TRAK2: variants seen among roughly 807,000 people sequenced by gnomAD.
The protein encoded by TRAK2 is trafficking kinesin protein 2.
In TRAK2, 81 loss-of-function variants were observed where a neutral mutation model predicts 104.6. The ratio of observed to expected loss-of-function variants is 0.77; its 90% CI spans 0.65 to 0.93. The LOEUF (loss-of-function observed/expected upper bound fraction) is 0.93, where lower values mean the gene tolerates loss of function less well. Ranked by LOEUF, TRAK2 falls within the 40% of genes least tolerant of loss-of-function variation. The pLI is 0.00. For missense variants in TRAK2, 1,002 were observed against 1,089.0 expected, an observed-to-expected ratio of 0.92 and a Z score of 1.12; for synonymous variants, 406 against 394.4, an observed-to-expected ratio of 1.03 and a Z score of -0.35.
intron 1 of TRAK2, among the ~76,000 whole-genome samples, chr2:201,442,999 G>A (rs1429454780): frequency 6.6e-6 from 1 of 151,910 alleles, no homozygotes; most frequent in Non-Finnish European, 1.5e-5. Context: ...TCTAAACCTT[G>A]CTCCATTAAT....
intron 3 of TRAK2, among the ~76,000 whole-genome samples, chr2:201,405,820 T>C (rs1053879484): frequency 3.0e-4 from 46 of 152,024 alleles, no homozygotes; most frequent in Admixed American, 2.9e-3. Flanking sequence ...CCGTCTCTAC[T>C]AAAAATACAA....
Position 201,412,915 on chromosome 2 carries a change from C to T in TRAK2, c.92-5318G>A. 13 of 787,256 alleles carry T rather than the reference C, an allele frequency of 1.7e-5. No homozygotes were observed. The South Asian group carries it at 1.8e-4, about 11-fold the overall frequency. The allele number at this position is 787,256 out of a possible 1,614,324, so 48.8% of individuals were successfully genotyped here. A position where few individuals can be genotyped will look rare whatever the true frequency, so the allele number is the denominator to read the frequency against. On this transcript the variant is annotated intron_variant, in intron 2 of 15. Transcript: ENST00000332624. ...AGATATAGGGAAAGGGAGATTTTCC[C>T]AGTTACCAAGAACACTGGCTAAACT...
intron 2 of TRAK2, among the ~76,000 whole-genome samples, chr2:201,417,241 C>CAAAAAAAAAAAA (rs61702415): frequency 6.3e-4 from 56 of 88,368 alleles, no homozygotes; most frequent in Middle Eastern, 6.7e-3. Flanking sequence ...GAAGACATTG[C>CAAAAAAAAAAAA]AAAAAAAAAA....
At chr2:201,423,864 A>T (rs1951763937) in intron 1 of TRAK2, among the ~76,000 whole-genome samples, 1 of 152,200 alleles carries the variant, frequency 6.6e-6, no homozygotes, top group Non-Finnish European at 1.5e-5. Flanking sequence ...GGTAAAGAAA[A>T]AAAAGATTAT....
At chr2:201,436,822 C>T (rs1294673887) in intron 1 of TRAK2, among the ~76,000 whole-genome samples, 1 of 152,002 alleles carries the variant, frequency 6.6e-6, no homozygotes, top group African/African-American at 2.4e-5. Context: ...ACGAAGTAAT[C>T]AGTGGCACCA....
At chr2:201,434,635 G>T (rs1177250885) in intron 1 of TRAK2, among the ~76,000 whole-genome samples, 1 of 151,996 alleles carries the variant, frequency 6.6e-6, no homozygotes, top group East Asian at 1.9e-4. Context: ...GATATTTTTG[G>T]ATTATAGAAT....
At chr2:201,389,088 T>C (rs1233587588) in intron 12 of TRAK2, among the ~76,000 whole-genome samples, 2 of 152,222 alleles carry the variant, frequency 1.3e-5, no homozygotes, top group African/African-American at 4.8e-5. Context: ...TGTCATCCGA[T>C]GTATTCATGC....
chr2:201,450,549 G>A (rs1046867075), intron 1 of TRAK2, among the ~76,000 whole-genome samples: 5 of 152,066 alleles, frequency 3.3e-5, no homozygotes, highest in Non-Finnish European at 5.9e-5. Context: ...CTGCTATTTG[G>A]AGACTACTGT....
intron 9 of TRAK2, among the ~76,000 whole-genome samples, chr2:201,393,777 T>C (rs1304273945): frequency 6.6e-6 from 1 of 152,174 alleles, no homozygotes; most frequent in Non-Finnish European, 1.5e-5. Flanking sequence ...CTACAAGATA[T>C]CACTCTGTTG....
chr2:201,389,200 C>T (rs1357407124), intron 12 of TRAK2, 100 bp downstream of exon 12: 2 of 1,172,952 alleles, frequency 1.7e-6, no homozygotes, highest in Non-Finnish European at 2.5e-6. Flanking sequence ...AGTTCCAGAA[C>T]CTTCTTGGGA....
In TRAK2 at chr2:201,412,231, A is replaced by C; in HGVS notation, c.92-4634T>G. On this transcript the variant is annotated intron_variant, in intron 2 of 15. Transcript: ENST00000332624. The stretch of plus-strand genomic sequence containing the variant: ...TCTCTGTACAATGACATGCTTGGGC[A>C]GTAGAACCTTTGGCAGTCCGTTGAA... The C allele has an allele frequency of 5.2e-6, 5 of 960,694 alleles. No homozygotes were observed. In the South Asian group the frequency reaches 6.5e-5, roughly 12 times the overall value. 59.5% of individuals were successfully genotyped at this position (960,694 alleles called of 1,614,324 possible).
intron 15 of TRAK2, 116 bp from the exon 16 acceptor site, chr2:201,381,334 C>T (rs776567115): frequency 8.5e-5 from 78 of 917,088 alleles, no homozygotes; most frequent in Non-Finnish European, 1.1e-4. Flanking sequence ...TAACAGGCAA[C>T]AAACACATCC....
At chr2:201,433,637 G>A (rs1951860216) in intron 1 of TRAK2, 1 of 152,158 alleles carries the variant, frequency 6.6e-6, no homozygotes, top group Admixed American at 6.5e-5. Flanking sequence ...ACCCCTCCCT[G>A]ACACAATCTT....
At position 201,386,312 on chromosome 2, in the gene TRAK2, C is replaced by G. The variant is rs1465048170; in HGVS notation, c.1869G>C (p.Gln623His). ...GTTTCTCTTCCACTTCAAGAGGTTG[C>G]TGAACCTGAAAAGTAATACCCTCCT... ...DEEEGITFQV[Q>H]QPLEVEEKLS... The change falls in exon 14 of 16, where the codon CAG becomes CAC. Residue 623 changes from glutamine (Q) to histidine (H), a missense_variant. Coordinates refer to ENST00000332624, the MANE Select transcript of TRAK2 (RefSeq NM_015049.3). The G allele has an allele frequency of 1.2e-6, 2 of 1,614,142 alleles. No homozygotes were observed.
At chr2:201,423,037 C>CCACACACACACACACACACACA (rs142826543) in intron 1 of TRAK2, among the ~76,000 whole-genome samples, 16 of 134,226 alleles carry the variant, frequency 1.2e-4, no homozygotes, top group African/African-American at 4.2e-4. Context: ...AACACCACCA[C>CCACACACACACACACACACACA]CACACACACA....
At chr2:201,403,265 T>C (rs1328190025) in intron 3 of TRAK2, among the ~76,000 whole-genome samples, 2 of 152,200 alleles carry the variant, frequency 1.3e-5, no homozygotes, top group African/African-American at 4.8e-5. Flanking sequence ...TAAGAAGTTA[T>C]CTAGTTTAAT....
intron 2 of TRAK2, chr2:201,412,490 A>G: frequency 1.7e-6 from 2 of 1,159,252 alleles, no homozygotes; most frequent in Admixed American, 3.4e-5. Context: ...AAACTCTTAT[A>G]AATGTCTTGC....
chr2:201,446,513 T>A (rs1395722927), intron 1 of TRAK2, among the ~76,000 whole-genome samples: 1 of 152,238 alleles, frequency 6.6e-6, no homozygotes, highest in Non-Finnish European at 1.5e-5. Flanking sequence ...GCATGCCTCT[T>A]ACAGCAAACA....
At chr2:201,433,371 C>A (rs1225622469) in intron 1 of TRAK2, 1 of 152,144 alleles carries the variant, frequency 6.6e-6, no homozygotes, top group Non-Finnish European at 1.5e-5. Flanking sequence ...GATTTGTGAC[C>A]AGCAAATATT....
Sources: allele counts gnomAD v4.1 joint callset (sites outside exome capture counted in the v4.1 genomes callset), GRCh38; gene constraint gnomAD v4.1.1; transcripts MANE v1.5; gene names NCBI Gene and HGNC (gene_info 2026-07-23, HGNC 2026-07-21).